Variants in TAGLN observed in about 807,000 individuals in gnomAD.
TAGLN encodes the protein transgelin, also known as 22 kDa actin-binding protein.
TAGLN carries 16 observed loss-of-function variants against 21.9 expected under a neutral mutation model. That is an observed-to-expected ratio of 0.73 (90% confidence interval 0.49 to 1.11). The LOEUF (loss-of-function observed/expected upper bound fraction) is 1.11, where lower values mean the gene tolerates loss of function less well. Among genes scored for constraint, TAGLN ranks in the 50% least tolerant of loss-of-function variants. The probability of loss-of-function intolerance (pLI) is 0.00; values close to 1 mark genes in which losing one functional copy is unlikely to be tolerated. For synonymous variants in TAGLN, 96 were observed against 94.9 expected, an observed-to-expected ratio of 1.01 and a Z score of -0.06; for missense variants, 248 against 263.2, an observed-to-expected ratio of 0.94 and a Z score of 0.40.
chr11:117,200,734 G>T (rs1161763670), intron 1 of TAGLN, among the ~76,000 whole-genome samples: 8 of 152,162 alleles, frequency 5.3e-5, no homozygotes, highest in Non-Finnish European at 1.0e-4. Flanking sequence ...GGGCTGCAGC[G>T]TTGTGTACCT....
At chr11:117,201,657 G>A (rs1471285218) in intron 1 of TAGLN, 1 of 152,272 alleles carries the variant, frequency 6.6e-6, no homozygotes, top group Non-Finnish European at 1.5e-5. Flanking sequence ...CCCTGAGAAA[G>A]GAAGGGCAGG....
Position 117,203,831 on chromosome 11 carries a change from G to T in TAGLN, c.408G>T (p.Leu136Phe). The change falls in exon 4 of 5, where the codon TTG (leucine) becomes TTT (phenylalanine). Residue 136 changes from leucine to phenylalanine, a missense_variant. Coordinates refer to ENST00000392951, the MANE Select transcript of TAGLN (RefSeq NM_003186.5). This position sits in a 1 kb window ranked among gnomAD's most constrained non-coding sequence, Gnocchi z 4.4. ...VQRTLMALGS[L>F]AVTKNDGHYR... ...GGACCCTGATGGCTTTGGGCAGCTT[G>T]GCAGTGACCAAGAATGATGGGCACT... 2 of 1,614,048 alleles carry T rather than the reference G, an allele frequency of 1.2e-6. No homozygotes were observed. The highest frequency in any genetic ancestry group is 1.7e-6 in the Non-Finnish European group (2 of 1,179,954).
rs148237776 is a variant in TAGLN, at chr11:117,205,003, AAGG to A, written c.*647_*649del. ...GTGAATCTTGGGGACCGAAGGGAAAAAGGAGCCACTCAGCAGCATGCAGTGGCT... is the reference window on the plus strand; with the variant it reads ...GTGAATCTTGGGGACCGAAGGGAAAAAGCCACTCAGCAGCATGCAGTGGCT... On this transcript the variant is annotated 3_prime_UTR_variant, in exon 5 of 5. Transcript: ENST00000392951. 0.025 allele frequency: 4,953 copies of A among 199,646 alleles called. 99 individuals carry two copies. The highest frequency in any genetic ancestry group is 0.095 in the South Asian group (512 of 5,384). The allele number at this position is 199,646 out of a possible 1,614,324, so 12.4% of individuals were successfully genotyped here.
chr11:117,204,720 G>T lies in TAGLN; in HGVS notation c.*361G>T. 1 of 319,968 alleles carries T rather than the reference G, an allele frequency of 3.1e-6. No individual in the cohort carries two copies. The highest frequency in any genetic ancestry group is 3.8e-5 in the South Asian group (1 of 26,316). The allele number at this position is 319,968 out of a possible 1,614,324, so 19.8% of individuals were successfully genotyped here. A position where few individuals can be genotyped will look rare whatever the true frequency, so the allele number is the denominator to read the frequency against. ...CATTGAAGAAGAACCAGCCCAGCCT[G>T]CCCCCTATCTTGTCCTGGAATATTT... On this transcript the variant is annotated 3_prime_UTR_variant, in exon 5 of 5. Transcript: ENST00000392951.
Position 117,205,381 on chromosome 11 carries a change from G to C in TAGLN, c.*1022G>C, listed in dbSNP as rs1426146507. On this transcript the variant is annotated 3_prime_UTR_variant, in exon 5 of 5. Coordinates refer to ENST00000392951, the MANE Select transcript of TAGLN (RefSeq NM_003186.5). ...CCATCTGCTCTGCAGTCCTGCCGCA[G>C]GATTCCCTAGTGAAGCAGCTCAGGC... 1 of 233,462 alleles carries C rather than the reference G, an allele frequency of 4.3e-6. No homozygotes were observed. The highest frequency in any genetic ancestry group is 8.5e-6 in the Non-Finnish European group (1 of 117,994). 14.5% of individuals were successfully genotyped at this position (233,462 alleles called of 1,614,324 possible). A position where few individuals can be genotyped will look rare whatever the true frequency, so the allele number is the denominator to read the frequency against.
chr11:117,203,635 A>G lies in TAGLN; in HGVS notation c.359-147A>G, dbSNP rs1177683905. On this transcript the variant is annotated intron_variant, in intron 3 of 4. Transcript: ENST00000392951. The surrounding 1 kb of genome is among the most constrained non-coding windows in gnomAD (Gnocchi z 4.4). The stretch of plus-strand genomic sequence containing the variant: ...GCCGAGAATAACACGCCACGCTCAC[A>G]GGGCCCACTGAGAGGCCTCCCTTGA... 3 of 1,245,590 alleles carry G rather than the reference A, an allele frequency of 2.4e-6. No individual in the cohort carries two copies. The highest frequency in any genetic ancestry group is 3.4e-6 in the Non-Finnish European group (3 of 889,748). The allele number at this position is 1,245,590 out of a possible 1,614,324, so 77.2% of individuals were successfully genotyped here. A position where few individuals can be genotyped will look rare whatever the true frequency, so the allele number is the denominator to read the frequency against.
chr11:117,204,575 C>G lies in TAGLN; in HGVS notation c.*216C>G. 1 of 716,624 alleles carries G rather than the reference C, an allele frequency of 1.4e-6. No homozygotes were observed. Among genetic ancestry groups the G allele is most frequent in the Non-Finnish European group, 2.4e-6 (1 of 413,834 alleles). The allele number at this position is 716,624 out of a possible 1,614,324, so 44.4% of individuals were successfully genotyped here. A position where few individuals can be genotyped will look rare whatever the true frequency, so the allele number is the denominator to read the frequency against. ...CCCGAAAGCATCACTGCCTTGGCCC[C>G]TCCCTCCCGGCTGCCCCCATCACCT... On this transcript the variant is annotated 3_prime_UTR_variant, in exon 5 of 5. Coordinates refer to ENST00000392951, the MANE Select transcript of TAGLN (RefSeq NM_003186.5).
At chr11:117,199,483 G>C (rs1468636078) in intron 1 of TAGLN, 51 bp downstream of exon 1, 2 of 152,340 alleles carry the variant, frequency 1.3e-5, no homozygotes, top group Non-Finnish European at 2.9e-5. Context: ...AGCTGGACAG[G>C]AGCAGTGGGT....
Position 117,203,128 on chromosome 11 carries a change from G to A in TAGLN, c.115G>A (p.Gly39Ser). ...RLVEWIIVQC[G>S]PDVGRPDRGR... ...GGTGGAGTGGATCATAGTGCAGTGTGGCCCTGATGTGGGCCGCCCAGACCG... is the reference window on the plus strand; with the variant it reads ...GGTGGAGTGGATCATAGTGCAGTGTAGCCCTGATGTGGGCCGCCCAGACCG... The change falls in exon 2 of 5, where the codon GGC becomes AGC. Residue 39 changes from glycine (G) to serine (S), a missense_variant. By Grantham distance (56) the Gly-to-Ser change is moderately conservative. Transcript: ENST00000392951. This position sits in a 1 kb window ranked among gnomAD's most constrained non-coding sequence, Gnocchi z 4.4. The A allele has an allele frequency of 6.2e-7, 1 of 1,609,618 alleles. No individual in the cohort carries two copies. Among genetic ancestry groups the A allele is most frequent in the East Asian group, 2.2e-5 (1 of 44,802 alleles).
rs561764685 is a variant in TAGLN, at chr11:117,199,958, G to A, written c.-13+526G>A. 5 of 152,314 alleles carry A rather than the reference G, an allele frequency of 3.3e-5. No homozygotes were observed. The East Asian group carries it at 7.7e-4, about 24-fold the overall frequency. 9.4% of individuals were successfully genotyped at this position (152,314 alleles called of 1,614,324 possible). A position where few individuals can be genotyped will look rare whatever the true frequency, so the allele number is the denominator to read the frequency against. ...ACAGAACTCTTGTATTCCAGTCAGG[G>A]GCAAAGAGTGGAGACGGAAGGCCTG... is the stretch of plus-strand genomic sequence containing the variant. On this transcript the variant is annotated intron_variant, in intron 1 of 4. Coordinates refer to ENST00000392951, the MANE Select transcript of TAGLN (RefSeq NM_003186.5).
Position 117,203,938 on chromosome 11 carries a change from T to C in TAGLN, c.461+54T>C. On this transcript the variant is annotated intron_variant, in intron 4 of 4. Coordinates refer to ENST00000392951, the MANE Select transcript of TAGLN (RefSeq NM_003186.5). The surrounding 1 kb of genome is among the most constrained non-coding windows in gnomAD (Gnocchi z 4.4). ...CCGCATGGGGTGGGAGGTGGCTTGTTCTAAGGAGCTTGCGGGAAGGATTAG... is the reference window on the plus strand; with the variant it reads ...CCGCATGGGGTGGGAGGTGGCTTGTCCTAAGGAGCTTGCGGGAAGGATTAG... 6.8e-7 allele frequency: 1 copy of C among 1,478,300 alleles called. No homozygotes were observed. 91.6% of individuals were successfully genotyped at this position (1,478,300 alleles called of 1,614,324 possible).
At position 117,204,980 on chromosome 11, in the gene TAGLN, G is replaced by A. The variant is rs2031284997; in HGVS notation, c.*621G>A. 5.1e-6 allele frequency: 1 copy of A among 194,336 alleles called. No homozygotes were observed. Among genetic ancestry groups the A allele is most frequent in the Non-Finnish European group, 1.1e-5 (1 of 92,968 alleles). The allele number at this position is 194,336 out of a possible 1,614,324, so 12.0% of individuals were successfully genotyped here. On this transcript the variant is annotated 3_prime_UTR_variant, in exon 5 of 5. Coordinates refer to ENST00000392951, the MANE Select transcript of TAGLN (RefSeq NM_003186.5). The stretch of plus-strand genomic sequence containing the variant: ...GAAACAGGCCATAGAACAGGAGAGT[G>A]AATCTTGGGGACCGAAGGGAAAAAG...
At chr11:117,202,648 A>C (rs1352309972) in intron 1 of TAGLN, 1 of 159,400 alleles carries the variant, frequency 6.3e-6, no homozygotes, top group African/African-American at 2.4e-5. Context: ...GTAAAGTTTT[A>C]TTGGAACAAA....
Position 117,203,129 on chromosome 11 carries a change from G to T in TAGLN, c.116G>T (p.Gly39Val). 1 of 1,609,458 alleles carries T rather than the reference G, an allele frequency of 6.2e-7. No individual in the cohort carries two copies. The highest frequency in any genetic ancestry group is 8.5e-7 in the Non-Finnish European group (1 of 1,177,274). ...GTGGAGTGGATCATAGTGCAGTGTG[G>T]CCCTGATGTGGGCCGCCCAGACCGT... ...RLVEWIIVQCGPDVGRPDRGR... is the reference protein window; with the variant it reads ...RLVEWIIVQCVPDVGRPDRGR... The change falls in exon 2 of 5, where the codon GGC (glycine) becomes GTC (valine). Residue 39 changes from glycine (G) to valine (V), a missense_variant. Physicochemically the swap from Gly to Val is moderately radical, Grantham distance 109. Transcript: ENST00000392951. The surrounding 1 kb of genome is among the most constrained non-coding windows in gnomAD (Gnocchi z 4.4).
At chr11:117,202,693 C>A (rs1261774188) in intron 1 of TAGLN, 1 of 197,020 alleles carries the variant, frequency 5.1e-6, no homozygotes, top group Non-Finnish European at 1.0e-5. Context: ...TCTATGGCTG[C>A]TTTCACACTG....
rs925543749 is a variant in TAGLN, at chr11:117,205,424, A to G, written c.*1065A>G. On this transcript the variant is annotated 3_prime_UTR_variant, in exon 5 of 5. Transcript: ENST00000392951. ...GCTCAGGCCTGGGGGAGCCGTGTGT[A>G]TCCCAGCTGTGCCGGCAGCATCATA... 1.3e-5 allele frequency: 3 copies of G among 233,616 alleles called. No individual in the cohort carries two copies. The highest frequency in any genetic ancestry group is 6.0e-5 in the East Asian group (1 of 16,596). The allele number at this position is 233,616 out of a possible 1,614,324, so 14.5% of individuals were successfully genotyped here.
chr11:117,199,371 TC>T lies in TAGLN; in HGVS notation c.-72del, dbSNP rs1305252935. The T allele has an allele frequency of 6.6e-6, 1 of 152,258 alleles. No homozygotes were observed. The highest frequency in any genetic ancestry group is 2.4e-5 in the African/African-American group (1 of 41,430). The allele number at this position is 152,258 out of a possible 1,614,324, so 9.4% of individuals were successfully genotyped here. ...AACCCCTCACCCAGCCAGCGCCCCA[TC>T]CTGTCTGTCCGAACCCAGACACAAG... On this transcript the variant is annotated 5_prime_UTR_variant, in exon 1 of 5. Transcript: ENST00000392951.
Position 117,205,657 on chromosome 11 carries a change from A to T in TAGLN, c.*1298A>T. Reference sequence around the variant, plus strand: ...CCTGGCTATGGCAGGCACCTTCTCAACTTATATGTGGGAAGGGGTCCCCCA... The same window carrying T: ...CCTGGCTATGGCAGGCACCTTCTCATCTTATATGTGGGAAGGGGTCCCCCA... On this transcript the variant is annotated 3_prime_UTR_variant, in exon 5 of 5. Coordinates refer to ENST00000392951, the MANE Select transcript of TAGLN (RefSeq NM_003186.5). The T allele has an allele frequency of 3.7e-6, 1 of 270,222 alleles. No homozygotes were observed. The highest frequency in any genetic ancestry group is 7.0e-6 in the Non-Finnish European group (1 of 143,794). 16.7% of individuals were successfully genotyped at this position (270,222 alleles called of 1,614,324 possible). A position where few individuals can be genotyped will look rare whatever the true frequency, so the allele number is the denominator to read the frequency against.
intron 1 of TAGLN, chr11:117,200,229 AC>A (rs1452278407): frequency 2.6e-5 from 4 of 152,014 alleles, no homozygotes; most frequent in African/African-American, 9.7e-5. Context: ...GAGAGGAGCC[AC>A]CCTCCTGCCC....
Sources: gnomAD v4.1 joint callset for allele counts (sites outside exome capture counted in the v4.1 genomes callset) on GRCh38, gnomAD v4.1.1 for gene constraint, Gnocchi (gnomAD v3.1) non-coding constraint, MANE v1.5 for transcripts, NCBI Gene and HGNC (gene_info 2026-07-23, HGNC 2026-07-21) for gene names.